FIP1L1: variants seen among roughly 807,000 people sequenced by gnomAD.
The protein encoded by FIP1L1 is pre-mRNA 3'-end-processing factor FIP1.
FIP1L1 carries 21 observed loss-of-function variants against 84.6 expected under a neutral mutation model. The ratio of observed to expected loss-of-function variants is 0.25; its 90% confidence interval spans 0.18 to 0.36. FIP1L1 has a LOEUF of 0.36. Ranked by LOEUF, FIP1L1 falls within the 10% of genes least tolerant of loss-of-function variation. The probability of loss-of-function intolerance (pLI) is 1.00; values close to 1 mark genes in which losing one functional copy is unlikely to be tolerated. For missense variants in FIP1L1, 526 were observed against 751.1 expected, an observed-to-expected ratio of 0.70 and a Z score of 3.50; for synonymous variants, 263 against 242.3, an observed-to-expected ratio of 1.09 and a Z score of -0.80.
At chr4:53,413,305 G>C (rs1758003911) in intron 10 of FIP1L1, among the ~76,000 whole-genome samples, 1 of 152,086 alleles carries the variant, frequency 6.6e-6, no homozygotes, top group African/African-American at 2.4e-5. Flanking sequence ...TAAAAAACAA[G>C]ATCAGGGTGC....
At chr4:53,407,200 G>T (rs1364250095) in intron 10 of FIP1L1, among the ~76,000 whole-genome samples, 1 of 151,958 alleles carries the variant, frequency 6.6e-6, no homozygotes, top group East Asian at 1.9e-4. Flanking sequence ...AGAGATTCTG[G>T]TATGTTGTGT....
At chr4:53,442,929 A>G (rs1772618688) in intron 14 of FIP1L1, among the ~76,000 whole-genome samples, 1 of 152,134 alleles carries the variant, frequency 6.6e-6, no homozygotes. Context: ...TTGAAATAAT[A>G]TCTTGCTTTG....
At chr4:53,411,375 G>A (rs188939337) in intron 10 of FIP1L1, among the ~76,000 whole-genome samples, 167 of 152,212 alleles carry the variant, frequency 1.1e-3, no homozygotes, top group African/African-American at 3.5e-3. Context: ...TGTCACTTTC[G>A]TACGTAAAGG....
At chr4:53,454,077 T>A (rs1400144289) in intron 16 of FIP1L1, among the ~76,000 whole-genome samples, 1 of 152,232 alleles carries the variant, frequency 6.6e-6, no homozygotes, top group Non-Finnish European at 1.5e-5. Context: ...TTTTAATGTT[T>A]AAGGAAATTT....
At chr4:53,400,044 G>A (rs1026264053) in intron 10 of FIP1L1, among the ~76,000 whole-genome samples, 5 of 152,092 alleles carry the variant, frequency 3.3e-5, no homozygotes, top group Admixed American at 2.0e-4. Flanking sequence ...AGTGAAGTGC[G>A]GTATATAGTT....
At chr4:53,446,790 A>G (rs1173340328) in intron 15 of FIP1L1, among the ~76,000 whole-genome samples, 1 of 152,182 alleles carries the variant, frequency 6.6e-6, no homozygotes, top group African/African-American at 2.4e-5. Context: ...GAGATTACCC[A>G]TTCAGTTTCA....
chr4:53,411,633 A>G (rs147126295), intron 10 of FIP1L1, among the ~76,000 whole-genome samples: 2 of 152,194 alleles, frequency 1.3e-5, no homozygotes, highest in African/African-American at 4.8e-5. Flanking sequence ...GAGCTGTGCT[A>G]CTGACCTAAG....
At chr4:53,439,415 T>C (rs1770909473) in intron 13 of FIP1L1, among the ~76,000 whole-genome samples, 1 of 152,088 alleles carries the variant, frequency 6.6e-6, no homozygotes, top group Non-Finnish European at 1.5e-5. Context: ...CTTTGGTCTC[T>C]TTTTTAAGGC....
chr4:53,444,823 C>T (rs181751597), intron 15 of FIP1L1, among the ~76,000 whole-genome samples: 84 of 152,232 alleles, frequency 5.5e-4, no homozygotes, highest in Non-Finnish European at 2.1e-4. Flanking sequence ...TCTCCTGTCT[C>T]AGCCTCCCAA....
At chr4:53,442,615 A>G (rs1267254024) in intron 13 of FIP1L1, 38 bp from the exon 14 acceptor site, 13 of 1,451,486 alleles carry the variant, frequency 9.0e-6, no homozygotes, top group Admixed American at 5.1e-5. Flanking sequence ...TTAAGTGTAC[A>G]TTGTTAACAT....
chr4:53,377,867 T>A lies in FIP1L1; in HGVS notation c.29T>A (p.Val10Glu), dbSNP rs1469671284. The change falls in exon 1 of 18, where the codon GTG becomes GAG. Residue 10 changes from valine (V) to glutamate (E), a missense_variant. This residue lies in a region of FIP1L1 where 100 missense variants were observed against 107.2 expected (regional missense o/e 0.93). Transcript: ENST00000337488. Reference sequence around the variant, plus strand: ...TCGGCCGGCGAGGTCGAGCGCCTAGTGTCGGAGCTGAGCGGCGGGACCGGA... The same window carrying A: ...TCGGCCGGCGAGGTCGAGCGCCTAGAGTCGGAGCTGAGCGGCGGGACCGGA... MSAGEVERL[V>E]SELSGGTGGD... 6.2e-7 allele frequency: 1 copy of A among 1,600,238 alleles called. No homozygotes were observed. Among genetic ancestry groups the A allele is most frequent in the African/African-American group, 1.3e-5 (1 of 74,532 alleles).
intron 10 of FIP1L1, among the ~76,000 whole-genome samples, chr4:53,401,731 G>A (rs1016765911): frequency 2.0e-5 from 3 of 152,192 alleles, no homozygotes; most frequent in Admixed American, 6.5e-5. Context: ...ATAAGGAGGA[G>A]TGGTTATTGG....
At chr4:53,412,937 C>G (rs1330282067) in intron 10 of FIP1L1, among the ~76,000 whole-genome samples, 1 of 152,102 alleles carries the variant, frequency 6.6e-6, no homozygotes, top group Non-Finnish European at 1.5e-5. Flanking sequence ...TGGCATTCTA[C>G]TTTAAAAATG....
chr4:53,416,051 G>A (rs1237643114), intron 11 of FIP1L1, among the ~76,000 whole-genome samples: 1 of 152,134 alleles, frequency 6.6e-6, no homozygotes, highest in Non-Finnish European at 1.5e-5. Flanking sequence ...GAAATTTCAA[G>A]AGTTATTTTA....
chr4:53,405,399 T>C (rs1296089494), intron 10 of FIP1L1, among the ~76,000 whole-genome samples: 1 of 152,184 alleles, frequency 6.6e-6, no homozygotes, highest in Non-Finnish European at 1.5e-5. Flanking sequence ...CCATGCTGTT[T>C]TGGTTACTGT....
intron 5 of FIP1L1, among the ~76,000 whole-genome samples, chr4:53,388,344 CTT>C (rs34128620): frequency 1.2e-3 from 178 of 147,264 alleles, no homozygotes; most frequent in Admixed American, 1.8e-3. Flanking sequence ...TTACTGATAT[CTT>C]TTTTTTTTTT....
At chr4:53,449,513 G>A (rs1473858591) in intron 15 of FIP1L1, among the ~76,000 whole-genome samples, 1 of 152,096 alleles carries the variant, frequency 6.6e-6, no homozygotes, top group African/African-American at 2.4e-5. Flanking sequence ...CACTGATAAT[G>A]TGTTTCTAAT....
intron 10 of FIP1L1, among the ~76,000 whole-genome samples, chr4:53,400,730 A>G (rs1282588822): frequency 5.3e-5 from 8 of 152,236 alleles, no homozygotes; most frequent in Non-Finnish European, 8.8e-5. Context: ...TTCAGCCAAA[A>G]TTAAATGGCA....
chr4:53,402,168 T>A (rs1309409915), intron 10 of FIP1L1, among the ~76,000 whole-genome samples: 1 of 152,226 alleles, frequency 6.6e-6, no homozygotes, highest in African/African-American at 2.4e-5. Context: ...AGACTAAGAA[T>A]GACCATTGGA....
Sources: gnomAD v4.1 joint callset for allele counts (sites outside exome capture counted in the v4.1 genomes callset) on GRCh38, gnomAD v4.1.1 for gene constraint, gnomAD v4.1.1 regional missense constraint, MANE v1.5 for transcripts, NCBI Gene and HGNC (gene_info 2026-07-23, HGNC 2026-07-21) for gene names.